Variants in PTPRM observed in about 807,000 individuals in gnomAD.
PTPRM encodes the protein protein tyrosine phosphatase receptor type M.
PTPRM carries 47 observed loss-of-function variants against 186.7 expected under a neutral mutation model. That is an observed-to-expected ratio of 0.25 (90% CI 0.20 to 0.32). The LOEUF (loss-of-function observed/expected upper bound fraction) is 0.32. Ranked by LOEUF, PTPRM falls within the 10% of genes least tolerant of loss-of-function variation. The pLI, the probability that PTPRM is intolerant of heterozygous loss-of-function variation, is 1.00. For missense variants in PTPRM, 1,494 were observed against 1,865.0 expected, an observed-to-expected ratio of 0.80 and a Z score of 3.66; for synonymous variants, 668 against 674.9, an observed-to-expected ratio of 0.99 and a Z score of 0.16.
chr18:8,193,854 GTCT>G (rs2093740661), intron 14 of PTPRM, among the ~76,000 whole-genome samples: 1 of 152,236 alleles, frequency 6.6e-6, no homozygotes. Flanking sequence ...ACCTTGGCCT[GTCT>G]TCTTAAAGTA....
chr18:7,695,072 C>T (rs1402856664), intron 1 of PTPRM, among the ~76,000 whole-genome samples: 2 of 152,158 alleles, frequency 1.3e-5, no homozygotes, highest in Non-Finnish European at 2.9e-5. Context: ...GTGTGATTTA[C>T]TGATACTGTG....
At chr18:8,403,413 G>A (rs1203095663) in intron 32 of PTPRM, 1 of 152,158 alleles carries the variant, frequency 6.6e-6, no homozygotes, top group African/African-American at 2.4e-5. Context: ...AAAATTACCT[G>A]TTGGGTATAA....
Position 8,107,278 on chromosome 18 carries a change from C to T in PTPRM, c.1857-6208C>T, listed in dbSNP as rs752276695. On this transcript the variant is annotated intron_variant, in intron 11 of 32. Transcript: ENST00000580170. The stretch of plus-strand genomic sequence containing the variant: ...ATGTTCCATCTAGGACTAATTTACT[C>T]GAAATGTGGTGCCTGTTGTGAAGAT... Among the ~76,000 whole-genome samples the T allele has an allele frequency of 5.3e-5, 8 of 152,262 alleles. No homozygotes were observed. The East Asian group carries it at 9.6e-4, about 18-fold the overall frequency.
At chr18:8,386,166 T>C (rs1041403670) in intron 30 of PTPRM, among the ~76,000 whole-genome samples, 1 of 152,026 alleles carries the variant, frequency 6.6e-6, no homozygotes, top group African/African-American at 2.4e-5. Flanking sequence ...GGCCCCTAAG[T>C]GGGAATATCA....
chr18:8,292,326 A>G (rs745449569), intron 19 of PTPRM, among the ~76,000 whole-genome samples: 4 of 152,244 alleles, frequency 2.6e-5, no homozygotes, highest in Non-Finnish European at 5.9e-5. Flanking sequence ...TTTAATCTCC[A>G]TAACAAAAGG....
chr18:7,908,929 T>G (rs2050128946), intron 4 of PTPRM, among the ~76,000 whole-genome samples: 1 of 152,192 alleles, frequency 6.6e-6, no homozygotes, highest in Non-Finnish European at 1.5e-5. Context: ...TACTAGGAGG[T>G]TAAAAACATA....
chr18:7,569,262 C>G (rs970996788), intron 1 of PTPRM, among the ~76,000 whole-genome samples: 1 of 152,298 alleles, frequency 6.6e-6, no homozygotes, highest in Admixed American at 6.5e-5. Flanking sequence ...TGTTGCTGAT[C>G]TGCAGGACCC....
intron 11 of PTPRM, among the ~76,000 whole-genome samples, chr18:8,092,562 G>A (rs1257536243): frequency 1.3e-5 from 2 of 152,208 alleles, no homozygotes; most frequent in Non-Finnish European, 2.9e-5. Flanking sequence ...GAGACAGGAT[G>A]CACAGTGCCC....
chr18:7,982,642 A>G (rs1255499558), intron 7 of PTPRM, among the ~76,000 whole-genome samples: 2 of 152,118 alleles, frequency 1.3e-5, no homozygotes, highest in African/African-American at 2.4e-5. Context: ...GGTACTGTAC[A>G]TGATTGTATG....
chr18:8,328,108 A>T lies in PTPRM; in HGVS notation c.2956+8894A>T, dbSNP rs113560027. On this transcript the variant is annotated intron_variant, in intron 22 of 32. Coordinates refer to ENST00000580170, the MANE Select transcript of PTPRM (RefSeq NM_001105244.2). ...TGTTTTTCTTCTATCTTTATTCCAC[A>T]TACTTCTGGTATAGGTTTAATAAGG... 5.3e-3 allele frequency among the ~76,000 whole-genome samples: 803 copies of T among 152,308 alleles called. 5 individuals are homozygous for T. Among genetic ancestry groups the T allele is most frequent in the African/African-American group, 0.018 (767 of 41,560 alleles).
At chr18:8,382,960 T>C (rs561829114) in intron 29 of PTPRM, among the ~76,000 whole-genome samples, 3 of 152,298 alleles carry the variant, frequency 2.0e-5, no homozygotes, top group African/African-American at 7.2e-5. Context: ...AGTTCTCCCC[T>C]TGCCTTTCCA....
intron 22 of PTPRM, among the ~76,000 whole-genome samples, chr18:8,337,011 G>T (rs1272018585): frequency 1.3e-5 from 2 of 151,972 alleles, no homozygotes; most frequent in African/African-American, 4.8e-5. Flanking sequence ...AGAAAGAAAA[G>T]AAAAGAGAAA....
intron 19 of PTPRM, among the ~76,000 whole-genome samples, chr18:8,271,891 G>A (rs931854504): frequency 2.6e-5 from 4 of 151,736 alleles, no homozygotes; most frequent in Admixed American, 6.6e-5. Flanking sequence ...CCAGACGTTT[G>A]TCAGTTTTAT....
intron 2 of PTPRM, among the ~76,000 whole-genome samples, chr18:7,879,502 T>C (rs533437605): frequency 6.6e-6 from 1 of 152,276 alleles, no homozygotes; most frequent in Admixed American, 6.5e-5. Context: ...CCCCAATACA[T>C]AATGGGTGCT....
intron 2 of PTPRM, among the ~76,000 whole-genome samples, chr18:7,867,400 C>A (rs1332344226): frequency 1.3e-5 from 2 of 152,142 alleles, no homozygotes; most frequent in Non-Finnish European, 2.9e-5. Context: ...CTGGTGGTAA[C>A]AAAATCTCTC....
intron 11 of PTPRM, among the ~76,000 whole-genome samples, chr18:8,109,759 TAATA>T (rs946473196): frequency 1.8e-4 from 27 of 152,254 alleles, no homozygotes; most frequent in African/African-American, 6.0e-4. Context: ...TTTGTTGAAA[TAATA>T]AATCAGTGTA....
intron 7 of PTPRM, among the ~76,000 whole-genome samples, chr18:8,031,936 G>T (rs2086001489): frequency 6.6e-6 from 1 of 152,154 alleles, no homozygotes; most frequent in African/African-American, 2.4e-5. Context: ...CAAATACAGT[G>T]ACCATCAGTG....
At chr18:7,712,447 C>T (rs578168976) in intron 1 of PTPRM, among the ~76,000 whole-genome samples, 2 of 151,858 alleles carry the variant, frequency 1.3e-5, no homozygotes, top group East Asian at 3.9e-4. Flanking sequence ...ACTGGAATGC[C>T]GAATGCCTCT....
At chr18:8,183,812 C>A (rs1459375755) in intron 14 of PTPRM, among the ~76,000 whole-genome samples, 3 of 152,170 alleles carry the variant, frequency 2.0e-5, no homozygotes, top group Non-Finnish European at 4.4e-5. Flanking sequence ...TTTACATCCT[C>A]AACCTCAGAG....
Sources: gnomAD v4.1 joint callset for allele counts (sites outside exome capture counted in the v4.1 genomes callset) on GRCh38, gnomAD v4.1.1 for gene constraint, MANE v1.5 for transcripts, NCBI Gene and HGNC (gene_info 2026-07-23, HGNC 2026-07-21) for gene names.